Variants in ERBB4 observed in about 807,000 individuals in gnomAD.
ERBB4 encodes the protein erb-b2 receptor tyrosine kinase 4, also known as receptor tyrosine-protein kinase erbB-4.
In ERBB4, 42 loss-of-function variants were observed where a neutral mutation model predicts 158.0. The ratio of observed to expected loss-of-function variants is 0.27; its 90% CI spans 0.21 to 0.34. The LOEUF is 0.34. Ranked by LOEUF, ERBB4 falls within the 10% of genes least tolerant of loss-of-function variation. ERBB4 has a pLI of 1.00. For synonymous variants in ERBB4, 583 were observed against 558.7 expected, an observed-to-expected ratio of 1.04 and a Z score of -0.61; for missense variants, 1,333 against 1,624.1, an observed-to-expected ratio of 0.82 and a Z score of 3.08.
chr2:211,679,959 C>T (rs1245875562), intron 12 of ERBB4, among the ~76,000 whole-genome samples: 3 of 152,172 alleles, frequency 2.0e-5, no homozygotes, highest in African/African-American at 7.2e-5. Context: ...GGATTACAGT[C>T]GTGAGGCACT....
chr2:211,639,872 C>T (rs1411199644), intron 16 of ERBB4, among the ~76,000 whole-genome samples: 2 of 152,008 alleles, frequency 1.3e-5, no homozygotes, highest in African/African-American at 2.4e-5. Flanking sequence ...CAGGCACCCC[C>T]CCACCATGCC....
chr2:211,485,139 G>A (rs1017040297), intron 20 of ERBB4, among the ~76,000 whole-genome samples: 2 of 152,100 alleles, frequency 1.3e-5, no homozygotes, highest in African/African-American at 4.8e-5. Context: ...ATGCTCTGTG[G>A]TACTCTAGTT....
chr2:211,901,606 T>C (rs921659186), intron 3 of ERBB4, among the ~76,000 whole-genome samples: 1 of 152,146 alleles, frequency 6.6e-6, no homozygotes, highest in Admixed American at 6.6e-5. Flanking sequence ...GTTTATCCCA[T>C]CTCAAGATGT....
chr2:212,083,374 T>C (rs1450944422), intron 2 of ERBB4, among the ~76,000 whole-genome samples: 3 of 151,876 alleles, frequency 2.0e-5, no homozygotes, highest in Non-Finnish European at 2.9e-5. Flanking sequence ...TGGCAACAGA[T>C]AGAATTGGGG....
rs193185449 is a variant in ERBB4 at position 212,014,984 on chromosome 2, A to G, written c.235-67368T>C. Among the ~76,000 whole-genome samples, 518 of 144,178 alleles carry G rather than the reference A, an allele frequency of 3.6e-3. 2 individuals carry two copies. The highest frequency in any genetic ancestry group is 4.2e-3 in the Non-Finnish European group (277 of 66,378). 94.6% of individuals were successfully genotyped at this position (144,178 alleles called of 152,430 possible). ...AAGGCGGATGGATCACGAGGTAAGG[A>G]GAACAAGACCATCCTGGCTAACACG... On this transcript the variant is annotated intron_variant, in intron 2 of 27. Coordinates refer to ENST00000342788, the MANE Select transcript of ERBB4 (RefSeq NM_005235.3).
chr2:211,919,714 G>C (rs539008636), intron 3 of ERBB4, among the ~76,000 whole-genome samples: 4 of 152,052 alleles, frequency 2.6e-5, no homozygotes, highest in African/African-American at 9.6e-5. Flanking sequence ...AAAGTGATTA[G>C]TGTTATGGCA....
At position 212,510,908 on chromosome 2, in the gene ERBB4, T is replaced by C. The variant is rs1394095934; in HGVS notation, c.82+27541A>G. On this transcript the variant is annotated intron_variant, in intron 1 of 27. Coordinates refer to ENST00000342788, the MANE Select transcript of ERBB4 (RefSeq NM_005235.3). Reference sequence around the variant, plus strand: ...CAAGTACATGTGGGATCCCCAGGAATGTCCAACGACATTATTTTCATGACT... The same window carrying C: ...CAAGTACATGTGGGATCCCCAGGAACGTCCAACGACATTATTTTCATGACT... Among the ~76,000 whole-genome samples the C allele has an allele frequency of 2.6e-5, 4 of 152,238 alleles. No individual in the cohort carries two copies. In the East Asian group the frequency reaches 5.8e-4, roughly 22 times the overall value.
chr2:211,918,525 T>C (rs1293890545), intron 3 of ERBB4, among the ~76,000 whole-genome samples: 1 of 152,096 alleles, frequency 6.6e-6, no homozygotes, highest in Non-Finnish European at 1.5e-5. Flanking sequence ...AACTGTACCC[T>C]GTAGATTTCG....
rs1553575752 is a variant in ERBB4 at position 211,580,801 on chromosome 2, T to TC, written c.2302-18714_2302-18713insG. Among the ~76,000 whole-genome samples, 8 of 28,470 alleles carry TC rather than the reference T, an allele frequency of 2.8e-4. No homozygotes were observed. In the Admixed American group the frequency reaches 4.9e-3, roughly 17 times the overall value. The allele number at this position is 28,470 out of a possible 152,430, so 18.7% of individuals were successfully genotyped here. ...AAAGAAATTGTGATATATATATATA[T>TC]ATATATATATAATATATATATATTA... On this transcript the variant is annotated intron_variant, in intron 19 of 27. Coordinates refer to ENST00000342788, the MANE Select transcript of ERBB4 (RefSeq NM_005235.3).
At chr2:212,336,884 A>C (rs1490119616) in intron 1 of ERBB4, among the ~76,000 whole-genome samples, 1 of 152,022 alleles carries the variant, frequency 6.6e-6, no homozygotes, top group East Asian at 1.9e-4. Context: ...GGTTCTAATA[A>C]AATATAGATT....
intron 1 of ERBB4, among the ~76,000 whole-genome samples, chr2:212,168,790 C>T (rs912082587): frequency 6.6e-6 from 1 of 152,082 alleles, no homozygotes. Context: ...ATCAAGTGGA[C>T]TTGTGCTGCT....
Position 211,376,454 on chromosome 2 carries a change from A to G in ERBB4, c.*7161T>C, listed in dbSNP as rs1307335905. 8.6e-6 allele frequency: 2 copies of G among 232,704 alleles called. No homozygotes were observed. Among genetic ancestry groups the G allele is most frequent in the Non-Finnish European group, 1.7e-5 (2 of 117,526 alleles). 14.4% of individuals were successfully genotyped at this position (232,704 alleles called of 1,614,324 possible). A position where few individuals can be genotyped will look rare whatever the true frequency, so the allele number is the denominator to read the frequency against. On this transcript the variant is annotated 3_prime_UTR_variant, in exon 28 of 28. Coordinates refer to ENST00000342788, the MANE Select transcript of ERBB4 (RefSeq NM_005235.3). ...GTAGTATTTTTTGTTTGTTTATTTC[A>G]AAAAGGCAGCTAACTTTGAATGCAG...
intron 15 of ERBB4, among the ~76,000 whole-genome samples, chr2:211,658,145 T>C (rs1449409832): frequency 6.6e-6 from 1 of 152,210 alleles, no homozygotes; most frequent in African/African-American, 2.4e-5. Flanking sequence ...TTTTGCTTGA[T>C]GAATACACAG....
At chr2:211,631,965 A>G (rs1431378513) in intron 16 of ERBB4, among the ~76,000 whole-genome samples, 1 of 152,114 alleles carries the variant, frequency 6.6e-6, no homozygotes, top group Non-Finnish European at 1.5e-5. Flanking sequence ...ATGATTCTCA[A>G]TAAAATCTTG....
chr2:212,161,516 C>T (rs1002980444), intron 1 of ERBB4, among the ~76,000 whole-genome samples: 1 of 151,846 alleles, frequency 6.6e-6, no homozygotes, highest in Non-Finnish European at 1.5e-5. Flanking sequence ...CTGCTAAACT[C>T]TAAAACCTTT....
intron 15 of ERBB4, among the ~76,000 whole-genome samples, chr2:211,660,870 G>A (rs1279649884): frequency 6.6e-6 from 1 of 152,156 alleles, no homozygotes; most frequent in Non-Finnish European, 1.5e-5. Flanking sequence ...GTAGTCTCAT[G>A]GAAGTCAAAT....
At chr2:212,368,951 A>C (rs2089990896) in intron 1 of ERBB4, among the ~76,000 whole-genome samples, 1 of 152,144 alleles carries the variant, frequency 6.6e-6, no homozygotes, top group Non-Finnish European at 1.5e-5. Context: ...CAAGGAATGC[A>C]GAATCTCAGG....
At chr2:212,243,251 ACT>A (rs2084182835) in intron 1 of ERBB4, among the ~76,000 whole-genome samples, 1 of 152,178 alleles carries the variant, frequency 6.6e-6, no homozygotes, top group East Asian at 1.9e-4. Flanking sequence ...CATCTGGCAG[ACT>A]GTGGCCACTT....
In ERBB4 at chr2:212,380,456, CTGTGTG is replaced by C. The variant is rs6147158; in HGVS notation, c.82+157987_82+157992del. The stretch of plus-strand genomic sequence containing the variant: ...ATACCTCAGATACTGAGGAATGACT[CTGTGTG>C]TGTGTGTGTGTGTGTGTGTGTGTGT... On this transcript the variant is annotated intron_variant, in intron 1 of 27. Transcript: ENST00000342788. Among the ~76,000 whole-genome samples the C allele has an allele frequency of 4.4e-3, 629 of 143,134 alleles. 2 individuals carry two copies. Among genetic ancestry groups the C allele is most frequent in the African/African-American group, 8.8e-3 (340 of 38,830 alleles). The allele number at this position is 143,134 out of a possible 152,430, so 93.9% of individuals were successfully genotyped here.
Sources: allele counts gnomAD v4.1 joint callset (sites outside exome capture counted in the v4.1 genomes callset), GRCh38; gene constraint gnomAD v4.1.1; transcripts MANE v1.5; gene names NCBI Gene and HGNC (gene_info 2026-07-23, HGNC 2026-07-21).